The following SDHB variants were observed in gnomAD, a reference collection of about 807,000 sequenced individuals.
SDHB encodes succinate dehydrogenase [ubiquinone] iron-sulfur subunit, mitochondrial.
A neutral mutation model predicts 39.7 loss-of-function variants in SDHB; 21 were observed. That is an observed-to-expected ratio of 0.53 (90% confidence interval 0.37 to 0.76). The LOEUF (loss-of-function observed/expected upper bound fraction) is 0.76, where lower values mean the gene tolerates loss of function less well. SDHB is among the 30% of genes least tolerant of loss of function. The probability of loss-of-function intolerance (pLI) is 0.00; values close to 1 mark genes in which losing one functional copy is unlikely to be tolerated. For synonymous variants in SDHB, 118 were observed against 117.0 expected (o/e 1.01, Z -0.06); for missense variants, 343 against 350.9 (o/e 0.98, Z 0.18).
At chr1:17,052,575 C>G (rs2078154850) in intron 1 of SDHB, 1 of 152,232 alleles carries the variant, frequency 6.6e-6, no homozygotes, top group Non-Finnish European at 1.5e-5. Context: ...ATTGTTTGCT[C>G]AGCAACTATA....
At chr1:17,049,677 T>TTTTG (rs1009759642) in intron 1 of SDHB, among the ~76,000 whole-genome samples, 7 of 108,908 alleles carry the variant, frequency 6.4e-5, no homozygotes, top group African/African-American at 2.2e-4. Context: ...TTTTTTTTTT[T>TTTTG]GTGAGACAGT....
chr1:17,044,217 C>G (rs2078096035), intron 2 of SDHB, among the ~76,000 whole-genome samples: 1 of 151,964 alleles, frequency 6.6e-6, no homozygotes, highest in Non-Finnish European at 1.5e-5. Flanking sequence ...TATTAAATGA[C>G]TTTAAATACT....
At chr1:17,049,150 C>T (rs988420726) in intron 1 of SDHB, among the ~76,000 whole-genome samples, 5 of 152,142 alleles carry the variant, frequency 3.3e-5, no homozygotes, top group African/African-American at 7.2e-5. Flanking sequence ...TAGGTGCACA[C>T]CATCATGTCC....
intron 1 of SDHB, among the ~76,000 whole-genome samples, chr1:17,047,946 T>G (rs1406155136): frequency 6.6e-6 from 1 of 151,928 alleles, no homozygotes; most frequent in Non-Finnish European, 1.5e-5. Context: ...TCCCGAAGAG[T>G]TGGGATATAG....
chr1:17,049,167 T>G (rs918158456), intron 1 of SDHB, among the ~76,000 whole-genome samples: 1 of 152,168 alleles, frequency 6.6e-6, no homozygotes, highest in Non-Finnish European at 1.5e-5. Flanking sequence ...GTCCAGCTAA[T>G]TTTTGTAGAG....
chr1:17,034,104 A>G (rs1195381420), intron 2 of SDHB, among the ~76,000 whole-genome samples: 3 of 152,128 alleles, frequency 2.0e-5, no homozygotes, highest in Non-Finnish European at 4.4e-5. Flanking sequence ...GATTAAAAAT[A>G]TACTTAAAAA....
chr1:17,051,103 C>T (rs144723998), intron 1 of SDHB, among the ~76,000 whole-genome samples: 276 of 152,288 alleles, frequency 1.8e-3, no homozygotes, highest in African/African-American at 6.5e-3. Flanking sequence ...AATTCCATTT[C>T]ACAATGAGAT....
intron 7 of SDHB, among the ~76,000 whole-genome samples, chr1:17,022,065 G>A (rs2077964854): frequency 1.3e-5 from 2 of 152,168 alleles, no homozygotes; most frequent in Non-Finnish European, 1.5e-5. Context: ...GAGGCAGGCG[G>A]GTGGCTGAAG....
intron 7 of SDHB, among the ~76,000 whole-genome samples, chr1:17,021,792 C>CCAG (rs1011334589): frequency 6.6e-6 from 1 of 152,170 alleles, no homozygotes; most frequent in Non-Finnish European, 1.5e-5. Flanking sequence ...TTCTCTTGCC[C>CCAG]TTCTGCCTTT....
chr1:17,029,086 T>C (rs1159404673), intron 3 of SDHB, among the ~76,000 whole-genome samples: 1 of 122,344 alleles, frequency 8.2e-6, no homozygotes, highest in African/African-American at 3.0e-5. Flanking sequence ...TGAAGAAAAA[T>C]CAGCCTGTTT....
chr1:17,047,767 T>G (rs1203348260), intron 1 of SDHB, among the ~76,000 whole-genome samples: 4 of 151,944 alleles, frequency 2.6e-5, no homozygotes, highest in Non-Finnish European at 5.9e-5. Context: ...CTCAACCTTC[T>G]GGACTCAAGC....
chr1:17,037,019 T>C (rs531035406), intron 2 of SDHB, among the ~76,000 whole-genome samples: 130 of 152,076 alleles, frequency 8.5e-4, no homozygotes, highest in African/African-American at 3.1e-3. Flanking sequence ...AAAAGAATTA[T>C]GCTGTTGTGA....
chr1:17,041,229 A>C (rs570183045), intron 2 of SDHB, among the ~76,000 whole-genome samples: 2 of 152,342 alleles, frequency 1.3e-5, no homozygotes, highest in South Asian at 4.1e-4. Flanking sequence ...TCTGCTGTTA[A>C]GGCCATCCGG....
intron 6 of SDHB, 28 bp from the exon 7 acceptor site, chr1:17,022,758 C>T (rs984814872): frequency 1.9e-6 from 3 of 1,608,340 alleles, no homozygotes; most frequent in South Asian, 2.2e-5. Flanking sequence ...ATTAGCTGAG[C>T]TGCCAATCAA....
chr1:17,022,748 A>G lies in SDHB; in HGVS notation c.643-18T>C. The stretch of plus-strand genomic sequence containing the variant: ...CGATAGGCCTGGAAAACCAGGGATG[A>G]TTAGCTGAGCTGCCAATCAACAGGC... On this transcript the variant is annotated intron_variant, in intron 6 of 7. Transcript: ENST00000375499. The G allele has an allele frequency of 6.2e-7, 1 of 1,611,304 alleles. No individual in the cohort carries two copies. The highest frequency in any genetic ancestry group is 2.2e-5 in the East Asian group (1 of 44,826).
intron 1 of SDHB, among the ~76,000 whole-genome samples, chr1:17,049,786 C>T (rs973471441): frequency 6.7e-6 from 1 of 148,966 alleles, no homozygotes; most frequent in Non-Finnish European, 1.5e-5. Context: ...GCTGGGATTA[C>T]AGGCGCGTGT....
chr1:17,022,993 C>T (rs909120487), intron 6 of SDHB: 4 of 429,562 alleles, frequency 9.3e-6, no homozygotes, highest in Admixed American at 3.4e-5. Flanking sequence ...GGTATCATCT[C>T]CTAATTATTT....
chr1:17,034,119 T>C (rs2647160), intron 2 of SDHB, among the ~76,000 whole-genome samples: 103,292 of 151,952 alleles, frequency 0.68, 35,600 homozygotes, highest in Non-Finnish European at 0.72. Context: ...TAAAAATACG[T>C]CATTTCCTTT....
chr1:17,048,787 T>G (rs1557747895), intron 1 of SDHB, among the ~76,000 whole-genome samples: 4 of 151,828 alleles, frequency 2.6e-5, no homozygotes, highest in African/African-American at 7.3e-5. Flanking sequence ...CTCGGCTCAC[T>G]GCAACCTCCA....
Sources: allele counts gnomAD v4.1 joint callset (sites outside exome capture counted in the v4.1 genomes callset), GRCh38; gene constraint gnomAD v4.1.1; transcripts MANE v1.5; gene names NCBI Gene and HGNC (gene_info 2026-07-23, HGNC 2026-07-21).